STK4: variants seen among roughly 807,000 people sequenced by gnomAD.
STK4 encodes the protein serine/threonine-protein kinase 4.
A neutral mutation model predicts 64.9 loss-of-function variants in STK4; 30 were observed. The observed-to-expected ratio is 0.46, with a 90% CI of 0.35 to 0.63. STK4 has a LOEUF of 0.63. Among genes scored for constraint, STK4 ranks in the 20% least tolerant of loss-of-function variants. The probability of loss-of-function intolerance (pLI) is 0.01; values close to 1 mark genes in which losing one functional copy is unlikely to be tolerated. For synonymous variants in STK4, 177 were observed against 199.0 expected (o/e 0.89, Z 0.93); for missense variants, 466 against 598.5 (o/e 0.78, Z 2.31).
At chr20:45,059,252 G>A (rs576249344) in intron 10 of STK4, among the ~76,000 whole-genome samples, 3 of 152,130 alleles carry the variant, frequency 2.0e-5, no homozygotes, top group South Asian at 2.1e-4. Context: ...AGTATCATGG[G>A]TAGAAGATTC....
In STK4 at chr20:44,995,244, T is replaced by C. The variant is rs1468029746; in HGVS notation, c.680T>C (p.Ile227Thr). Residue 227 changes from isoleucine to threonine, a missense_variant, in exon 6 of 11, where the codon ATC becomes ACC. Ile to Thr is a moderately conservative substitution (Grantham distance 89, BLOSUM62 -1). This residue lies in a region of STK4 where 190 missense variants were observed against 289.7 expected (regional missense o/e 0.66). Transcript: ENST00000372806. ...MAEGKPPYAD[I>T]HPMRAIFMIP... ...GAAGGAAAGCCCCCTTATGCTGATA[T>C]CCATCCAATGAGGGTAAGAAAGTGG... The C allele has an allele frequency of 1.2e-6, 2 of 1,612,810 alleles. No homozygotes were observed. The highest frequency in any genetic ancestry group is 1.7e-6 in the Non-Finnish European group (2 of 1,179,434).
intron 10 of STK4, among the ~76,000 whole-genome samples, chr20:45,044,519 TG>T (rs2068662892): frequency 6.6e-6 from 1 of 151,926 alleles, no homozygotes; most frequent in Non-Finnish European, 1.5e-5. Flanking sequence ...CCAGGTAGGG[TG>T]GCATGTGCCT....
intron 7 of STK4, among the ~76,000 whole-genome samples, chr20:44,997,906 C>A (rs901836293): frequency 6.6e-6 from 1 of 152,158 alleles, no homozygotes; most frequent in Non-Finnish European, 1.5e-5. Flanking sequence ...ATCACATAGA[C>A]CCTGTGAAGG....
At chr20:45,015,603 G>T (rs1022806856) in intron 9 of STK4, among the ~76,000 whole-genome samples, 6 of 152,200 alleles carry the variant, frequency 3.9e-5, no homozygotes, top group African/African-American at 1.4e-4. Flanking sequence ...ATTTGATTTT[G>T]TTGGAACCCT....
chr20:45,042,039 GTTGT>G (rs1215420660), intron 10 of STK4, among the ~76,000 whole-genome samples: 1 of 152,174 alleles, frequency 6.6e-6, no homozygotes, highest in Non-Finnish European at 1.5e-5. Flanking sequence ...TAACTTCAGT[GTTGT>G]TTATTATTCA....
intron 10 of STK4, among the ~76,000 whole-genome samples, chr20:45,066,417 C>T (rs1213921921): frequency 2.0e-5 from 3 of 152,192 alleles, no homozygotes; most frequent in Non-Finnish European, 4.4e-5. Flanking sequence ...TTTATACATA[C>T]ACGTGTGTAC....
intron 9 of STK4, among the ~76,000 whole-genome samples, chr20:45,002,188 G>T (rs1320582361): frequency 1.3e-5 from 2 of 152,190 alleles, no homozygotes; most frequent in Admixed American, 1.3e-4. Context: ...GTCTTAAGGG[G>T]TTTAATTATG....
chr20:44,975,540 A>G (rs932308260), intron 2 of STK4: 3 of 218,132 alleles, frequency 1.4e-5, no homozygotes, highest in Admixed American at 6.5e-5. Context: ...GGGATAGGAA[A>G]GAAATCTAAA....
intron 10 of STK4, among the ~76,000 whole-genome samples, chr20:45,050,503 G>C (rs1168772088): frequency 6.6e-6 from 1 of 152,048 alleles, no homozygotes; most frequent in Non-Finnish European, 1.5e-5. Context: ...GAATTATTGG[G>C]TCAAACTGTT....
At chr20:44,980,630 A>G (rs2067420320) in intron 3 of STK4, among the ~76,000 whole-genome samples, 2 of 152,226 alleles carry the variant, frequency 1.3e-5, no homozygotes, top group African/African-American at 2.4e-5. Context: ...TTCAAATGAA[A>G]AGAAAAGAAA....
intron 10 of STK4, among the ~76,000 whole-genome samples, chr20:45,060,355 A>G (rs1310388845): frequency 6.6e-6 from 1 of 152,258 alleles, no homozygotes; most frequent in African/African-American, 2.4e-5. Flanking sequence ...GTTACTTGAT[A>G]TAACCAAACT....
chr20:45,048,989 T>C (rs1354710222), intron 10 of STK4, among the ~76,000 whole-genome samples: 1 of 151,710 alleles, frequency 6.6e-6, no homozygotes, highest in Non-Finnish European at 1.5e-5. Context: ...AGTTCCCACA[T>C]TGATGTTTTT....
At chr20:45,047,503 G>A (rs191618141) in intron 10 of STK4, among the ~76,000 whole-genome samples, 11 of 152,122 alleles carry the variant, frequency 7.2e-5, no homozygotes, top group Admixed American at 6.5e-4. Flanking sequence ...ATTTGATTAT[G>A]TTATTTGGGC....
chr20:44,995,330 G>T (rs940764767), intron 6 of STK4, 73 bp downstream of exon 6: 12 of 1,516,618 alleles, frequency 7.9e-6, no homozygotes, highest in Non-Finnish European at 1.1e-5. Flanking sequence ...TTCAAGCCAG[G>T]TGTTGTGGCT....
rs1208605054 is a variant in STK4, at chr20:45,075,116, C to T, written c.1404C>T (p.Ser468=). The T allele has an allele frequency of 1.2e-6, 2 of 1,614,170 alleles. No individual in the cohort carries two copies. The highest frequency in any genetic ancestry group is 1.7e-6 in the Non-Finnish European group (2 of 1,180,022). The change falls in exon 11 of 11, where the codon TCC becomes TCT. Residue 468 remains serine (S), a synonymous_variant. Transcript: ENST00000372806. ...EIEEIRQKYQ[S]KRQPILDAIE... Reference sequence around the variant, plus strand: ...AAGAGATCCGGCAGAAGTACCAGTCCAAGCGGCAGCCCATCCTGGATGCCA... The same window carrying T: ...AAGAGATCCGGCAGAAGTACCAGTCTAAGCGGCAGCCCATCCTGGATGCCA...
chr20:45,058,367 A>G (rs1978687845), intron 10 of STK4, among the ~76,000 whole-genome samples: 1 of 152,188 alleles, frequency 6.6e-6, no homozygotes, highest in African/African-American at 2.4e-5. Flanking sequence ...TGTACTTGCA[A>G]TCTTTTCCAC....
At chr20:45,012,907 C>G (rs909022867) in intron 9 of STK4, among the ~76,000 whole-genome samples, 4 of 148,218 alleles carry the variant, frequency 2.7e-5, no homozygotes, top group Non-Finnish European at 5.9e-5. Flanking sequence ...CCTCAGCCAC[C>G]TGAGTAGCTG....
intron 10 of STK4, among the ~76,000 whole-genome samples, chr20:45,065,505 T>C (rs1979489032): frequency 6.6e-6 from 1 of 152,154 alleles, no homozygotes; most frequent in Non-Finnish European, 1.5e-5. Flanking sequence ...CCTCATAGAA[T>C]AGGTTAGGGA....
chr20:45,065,803 TA>T (rs1364494779), intron 10 of STK4, among the ~76,000 whole-genome samples: 2 of 152,072 alleles, frequency 1.3e-5, no homozygotes, highest in African/African-American at 4.8e-5. Flanking sequence ...TTTATTTATT[TA>T]TTTTTTTTCA....
Sources: allele counts gnomAD v4.1 joint callset (sites outside exome capture counted in the v4.1 genomes callset), GRCh38; gene constraint gnomAD v4.1.1; regional missense constraint gnomAD v4.1.1; transcripts MANE v1.5; gene names NCBI Gene and HGNC (gene_info 2026-07-23, HGNC 2026-07-21).